Variants in RCSD1 observed in about 807,000 individuals in gnomAD.
The protein encoded by RCSD1 is RCSD domain containing 1.
RCSD1 carries 26 observed loss-of-function variants against 42.5 expected under a neutral mutation model. The ratio of observed to expected loss-of-function variants is 0.61; its 90% CI spans 0.45 to 0.85. The LOEUF is 0.85. RCSD1 is among the 40% of genes least tolerant of loss of function. RCSD1 has a pLI of 0.00. For missense variants in RCSD1, 571 were observed against 528.3 expected, an observed-to-expected ratio of 1.08 and a Z score of -0.79; for synonymous variants, 220 against 212.2, an observed-to-expected ratio of 1.04 and a Z score of -0.32.
intron 1 of RCSD1, among the ~76,000 whole-genome samples, chr1:167,674,655 A>T (rs1240939744): frequency 6.6e-6 from 1 of 152,212 alleles, no homozygotes; most frequent in East Asian, 1.9e-4. Flanking sequence ...CCTCTAGGCA[A>T]CTATTAACCT....
At chr1:167,674,465 A>T (rs1263146537) in intron 1 of RCSD1, among the ~76,000 whole-genome samples, 1 of 152,150 alleles carries the variant, frequency 6.6e-6, no homozygotes, top group Non-Finnish European at 1.5e-5. Flanking sequence ...TAAAAATAAC[A>T]GTTTTATTGA....
intron 6 of RCSD1, 77 bp downstream of exon 6, chr1:167,697,919 T>A: frequency 7.4e-7 from 1 of 1,358,618 alleles, no homozygotes; most frequent in Non-Finnish European, 9.5e-7. Context: ...TCCTGTTCCG[T>A]ACAGTCCCTT....
intron 1 of RCSD1, among the ~76,000 whole-genome samples, chr1:167,659,567 A>G (rs1312392680): frequency 6.6e-6 from 1 of 152,134 alleles, no homozygotes; most frequent in East Asian, 1.9e-4. Flanking sequence ...AATGCCATGA[A>G]CTGCAGAGCC....
At chr1:167,667,107 T>G (rs1220063925) in intron 1 of RCSD1, among the ~76,000 whole-genome samples, 2 of 151,824 alleles carry the variant, frequency 1.3e-5, no homozygotes, top group Non-Finnish European at 2.9e-5. Flanking sequence ...TTGGTCCCAT[T>G]GTAGCTGAGT....
chr1:167,647,276 C>A (rs1468319957), intron 1 of RCSD1, among the ~76,000 whole-genome samples: 1 of 152,054 alleles, frequency 6.6e-6, no homozygotes, highest in Admixed American at 6.6e-5. Flanking sequence ...GGAAGGCCTG[C>A]ATGAGGCATG....
In RCSD1 at chr1:167,704,972, ATG is replaced by A; in HGVS notation, c.*278_*279del. ...CAACAACAAGAACTTACTTAAAACA[ATG>A]TACTGTGGTGATGAGTCCCAGGGGC... On this transcript the variant is annotated 3_prime_UTR_variant, in exon 7 of 7. Coordinates refer to ENST00000367854, the MANE Select transcript of RCSD1 (RefSeq NM_052862.4). 2.5e-6 allele frequency: 1 copy of A among 405,526 alleles called. No individual in the cohort carries two copies. Among genetic ancestry groups the A allele is most frequent in the Non-Finnish European group, 4.7e-6 (1 of 214,198 alleles). The allele number at this position is 405,526 out of a possible 1,614,324, so 25.1% of individuals were successfully genotyped here. A position where few individuals can be genotyped will look rare whatever the true frequency, so the allele number is the denominator to read the frequency against.
intron 1 of RCSD1, among the ~76,000 whole-genome samples, chr1:167,682,257 C>T (rs1659100006): frequency 6.6e-6 from 1 of 151,426 alleles, no homozygotes; most frequent in African/African-American, 2.4e-5. Context: ...GCAACTTCTG[C>T]CTCCCAGGTT....
Position 167,652,018 on chromosome 1 carries a change from C to CTTTTT in RCSD1, c.6+21606_6+21610dup, listed in dbSNP as rs66622527. On this transcript the variant is annotated intron_variant, in intron 1 of 6. Transcript: ENST00000367854. Reference sequence around the variant, plus strand: ...AGCCCAGGCTCCTGCCTCTGTTCATCTTTTTTTTTTTTTTTTTTTTTGAGA... The same window carrying CTTTTT: ...AGCCCAGGCTCCTGCCTCTGTTCATCTTTTTTTTTTTTTTTTTTTTTTTTTTGAGA... Among the ~76,000 whole-genome samples, 384 of 108,064 alleles carry CTTTTT rather than the reference C, an allele frequency of 3.6e-3. 14 individuals carry two copies. Among genetic ancestry groups the CTTTTT allele is most frequent in the African/African-American group, 0.011 (307 of 27,334 alleles). 70.9% of individuals were successfully genotyped at this position (108,064 alleles called of 152,430 possible). A position where few individuals can be genotyped will look rare whatever the true frequency, so the allele number is the denominator to read the frequency against.
intron 1 of RCSD1, among the ~76,000 whole-genome samples, chr1:167,680,473 T>G (rs1659054603): frequency 6.6e-6 from 1 of 151,972 alleles, no homozygotes; most frequent in Non-Finnish European, 1.5e-5. Context: ...TTTTTGTTTT[T>G]GTTTTTGTTT....
intron 6 of RCSD1, among the ~76,000 whole-genome samples, chr1:167,698,123 C>A (rs1310350019): frequency 6.6e-6 from 1 of 152,196 alleles, no homozygotes; most frequent in Non-Finnish European, 1.5e-5. Context: ...CGAGCCTCGG[C>A]ACGGCTCAGT....
Position 167,704,711 on chromosome 1 carries a change from T to C in RCSD1, c.*15T>C, listed in dbSNP as rs1659716660. 1 of 1,611,868 alleles carries C rather than the reference T, an allele frequency of 6.2e-7. No individual in the cohort carries two copies. The highest frequency in any genetic ancestry group is 8.5e-7 in the Non-Finnish European group (1 of 1,178,420). ...CTAAAATGTGAAGAACAGCTCATTG[T>C]GCCCCAGTGATGAAGTTGCTGGACA... On this transcript the variant is annotated 3_prime_UTR_variant, in exon 7 of 7. Coordinates refer to ENST00000367854, the MANE Select transcript of RCSD1 (RefSeq NM_052862.4).
At chr1:167,673,227 T>C (rs1054747785) in intron 1 of RCSD1, among the ~76,000 whole-genome samples, 1 of 152,216 alleles carries the variant, frequency 6.6e-6, no homozygotes, top group Non-Finnish European at 1.5e-5. Context: ...ATGACAATGA[T>C]TCCTTTTTAA....
intron 1 of RCSD1, among the ~76,000 whole-genome samples, chr1:167,646,417 TTA>T (rs1658146693): frequency 6.9e-6 from 1 of 144,238 alleles, no homozygotes; most frequent in Admixed American, 7.1e-5. Context: ...GGCTTGGGAG[TTA>T]TAGCCGACCA....
At chr1:167,651,474 A>C (rs1658303162) in intron 1 of RCSD1, among the ~76,000 whole-genome samples, 2 of 152,174 alleles carry the variant, frequency 1.3e-5, no homozygotes, top group African/African-American at 4.8e-5. Context: ...CACTGTTGCT[A>C]TGCAACTCTC....
intron 1 of RCSD1, chr1:167,664,902 G>C (rs926710611): frequency 1.2e-4 from 18 of 152,198 alleles, no homozygotes; most frequent in Admixed American, 9.8e-4. Flanking sequence ...GCCAGGCGTG[G>C]TGGCGCATGC....
intron 4 of RCSD1, among the ~76,000 whole-genome samples, chr1:167,692,511 G>A (rs908470547): frequency 9.3e-5 from 14 of 150,988 alleles, no homozygotes; most frequent in African/African-American, 2.4e-4. Context: ...CCCATATGCC[G>A]CTTTTTTTTT....
chr1:167,633,071 G>T (rs925986465), intron 1 of RCSD1, among the ~76,000 whole-genome samples: 2 of 152,130 alleles, frequency 1.3e-5, no homozygotes, highest in Non-Finnish European at 2.9e-5. Flanking sequence ...GACCAAAGAG[G>T]GTTACTCAAT....
At chr1:167,660,316 C>T (rs139996870) in intron 1 of RCSD1, among the ~76,000 whole-genome samples, 61 of 152,246 alleles carry the variant, frequency 4.0e-4, no homozygotes, top group Non-Finnish European at 7.6e-4. Context: ...TCTATAATCA[C>T]GTTTTGATCA....
At chr1:167,638,842 A>G (rs1306943556) in intron 1 of RCSD1, among the ~76,000 whole-genome samples, 1 of 152,166 alleles carries the variant, frequency 6.6e-6, no homozygotes, top group East Asian at 1.9e-4. Flanking sequence ...CATCCCCTTC[A>G]TTTTAAAGAT....
Sources: gnomAD v4.1 joint callset for allele counts (sites outside exome capture counted in the v4.1 genomes callset) on GRCh38, gnomAD v4.1.1 for gene constraint, MANE v1.5 for transcripts, NCBI Gene and HGNC (gene_info 2026-07-23, HGNC 2026-07-21) for gene names.